Variants in INTS6L observed in about 807,000 individuals in gnomAD.
INTS6L encodes integrator complex subunit 6-like.
A neutral mutation model predicts 64.7 loss-of-function variants in INTS6L; 18 were observed. That is an observed-to-expected ratio of 0.28 (90% CI 0.19 to 0.41). The LOEUF (loss-of-function observed/expected upper bound fraction) is 0.41. Ranked by LOEUF, INTS6L falls within the 10% of genes least tolerant of loss-of-function variation. The pLI is 1.00. For missense variants in INTS6L, 533 were observed against 661.0 expected, an observed-to-expected ratio of 0.81 and a Z score of 2.12; for synonymous variants, 227 against 235.9, an observed-to-expected ratio of 0.96 and a Z score of 0.34.
At chrX:135,581,469 T>C (rs2087369447) in intron 17 of INTS6L, 59 bp from the exon 18 acceptor site, 1 of 889,838 alleles carries the variant, frequency 1.1e-6, no homozygotes, top group Non-Finnish European at 1.6e-6. Flanking sequence ...ACACAGTGCC[T>C]TGAACATCAT....
Position 135,540,225 on chromosome X carries a change from T to C in INTS6L, c.190-5198T>C, listed in dbSNP as rs192417805. 4.5e-4 allele frequency among the ~76,000 whole-genome samples: 50 copies of C among 112,122 alleles called. No homozygotes were observed. The East Asian group carries it at 0.012, about 27-fold the overall frequency. On this transcript the variant is annotated intron_variant, in intron 2 of 17. Coordinates refer to ENST00000639893, the MANE Select transcript of INTS6L (RefSeq NM_001351601.3). ...AGGCTATCTGGATTCAAATCTTGGC[T>C]GTGCCATTTCCTAGTTGTCTGGCCT...
chrX:135,564,479 C>G (rs1221832039), intron 9 of INTS6L, among the ~76,000 whole-genome samples: 1 of 110,801 alleles, frequency 9.0e-6, no homozygotes, highest in Non-Finnish European at 1.9e-5. Flanking sequence ...TTAATCACAG[C>G]ACTTTGGGAG....
At position 135,520,985 on chromosome X, in the gene INTS6L, G is replaced by T. The variant is rs1192544483; in HGVS notation, c.-8G>T. 9 of 1,205,540 alleles carry T rather than the reference G, an allele frequency of 7.5e-6. No homozygotes were observed. Among genetic ancestry groups the T allele is most frequent in the Non-Finnish European group, 1.0e-5 (9 of 892,114 alleles). On this transcript the variant is annotated 5_prime_UTR_variant, in exon 1 of 18. Transcript: ENST00000639893. The stretch of plus-strand genomic sequence containing the variant: ...GAGTGGGGAGCGGAGGCAGGAGTGC[G>T]GGGGAAGATGCCCATCCTGCTGTTC...
At chrX:135,535,955 C>T (rs1426076795) in intron 2 of INTS6L, among the ~76,000 whole-genome samples, 3 of 112,333 alleles carry the variant, frequency 2.7e-5, no homozygotes, top group Admixed American at 9.4e-5. Flanking sequence ...AGGAAAGCAA[C>T]ATGCATTGGC....
chrX:135,563,042 C>A (rs2086829573), intron 9 of INTS6L, among the ~76,000 whole-genome samples: 2 of 111,069 alleles, frequency 1.8e-5, no homozygotes, highest in South Asian at 7.5e-4. Context: ...TTCTATTTTT[C>A]TTTTCTCTGT....
At chrX:135,567,892 G>A (rs1556525561) in intron 9 of INTS6L, among the ~76,000 whole-genome samples, 1 of 112,173 alleles carries the variant, frequency 8.9e-6, no homozygotes, top group East Asian at 2.8e-4. Flanking sequence ...GCTGTAAAAG[G>A]AAGGAAATAT....
chrX:135,570,848 T>C, intron 11 of INTS6L: 1 of 214,916 alleles, frequency 4.7e-6, no homozygotes, highest in Non-Finnish European at 8.6e-6. Flanking sequence ...TTTGTCTATC[T>C]TCAACCTAGT....
intron 17 of INTS6L, 64 bp from the exon 18 acceptor site, chrX:135,581,464 G>A (rs2087369330): frequency 7.3e-6 from 6 of 823,936 alleles, no homozygotes; most frequent in Non-Finnish European, 8.9e-6. Context: ...ATCCCACACA[G>A]TGCCTTGAAC....
intron 9 of INTS6L, among the ~76,000 whole-genome samples, chrX:135,561,409 A>G (rs1556522214): frequency 1.8e-5 from 2 of 112,040 alleles, no homozygotes; most frequent in Non-Finnish European, 3.8e-5. Context: ...TTCTTTTCAT[A>G]TATATTACTG....
At chrX:135,581,244 C>T in intron 17 of INTS6L, 101 bp downstream of exon 17, 1 of 629,998 alleles carries the variant, frequency 1.6e-6, no homozygotes. Context: ...TTGCTTTTTT[C>T]TCAAACCCTG....
intron 8 of INTS6L, among the ~76,000 whole-genome samples, chrX:135,555,410 T>G (rs1181465643): frequency 4.5e-5 from 5 of 112,261 alleles, no homozygotes; most frequent in Non-Finnish European, 9.4e-5. Context: ...CATAATCCTT[T>G]AAGTAGGCTT....
intron 15 of INTS6L, among the ~76,000 whole-genome samples, chrX:135,578,727 T>C (rs2087296616): frequency 9.0e-6 from 1 of 111,224 alleles, no homozygotes. Flanking sequence ...TAAATCCCAC[T>C]ATTTCTCTCT....
chrX:135,577,262 C>T lies in INTS6L; in HGVS notation c.1954C>T (p.Pro652Ser), dbSNP rs1556531470. 8.3e-7 allele frequency: 1 copy of T among 1,209,572 alleles called. No homozygotes were observed. The highest frequency in any genetic ancestry group is 1.1e-6 in the Non-Finnish European group (1 of 895,193). Residue 652 changes from proline (P) to serine (S), a missense_variant, in exon 15 of 18, where the codon CCC becomes TCC. Pro to Ser is a moderately conservative substitution (Grantham distance 74). Coordinates refer to ENST00000639893, the MANE Select transcript of INTS6L (RefSeq NM_001351601.3). ...AAACAAAGTGAAACGTCCAGGGGAACCCAACAGTCCTATGTCATCTAAGAG... is the reference window on the plus strand; with the variant it reads ...AAACAAAGTGAAACGTCCAGGGGAATCCAACAGTCCTATGTCATCTAAGAG... ...PQNKVKRPGE[P>S]NSPMSSKRRR...
chrX:135,564,161 T>C (rs781889308), intron 9 of INTS6L, among the ~76,000 whole-genome samples: 1 of 111,824 alleles, frequency 8.9e-6, no homozygotes, highest in South Asian at 3.7e-4. Context: ...TATTTTCCAG[T>C]TCATTGATTA....
chrX:135,543,188 C>T lies in INTS6L; in HGVS notation c.190-2235C>T, dbSNP rs541407031. The stretch of plus-strand genomic sequence containing the variant: ...GCAGAGATCTTAGTAAAATAAAGAT[C>T]TGATCATACCACTCCCCGGATTTAA... On this transcript the variant is annotated intron_variant, in intron 2 of 17. Coordinates refer to ENST00000639893, the MANE Select transcript of INTS6L (RefSeq NM_001351601.3). 1.7e-4 allele frequency among the ~76,000 whole-genome samples: 19 copies of T among 111,179 alleles called. No individual in the cohort carries two copies. In the South Asian group the frequency reaches 6.9e-3, roughly 40 times the overall value.
At chrX:135,564,785 A>AT (rs1283902010) in intron 9 of INTS6L, among the ~76,000 whole-genome samples, 2 of 109,597 alleles carry the variant, frequency 1.8e-5, no homozygotes, top group Non-Finnish European at 3.8e-5. Context: ...ATGATGAGTG[A>AT]TTTTTTTCCT....
chrX:135,548,897 A>G (rs1265139503), intron 6 of INTS6L, among the ~76,000 whole-genome samples: 1 of 112,050 alleles, frequency 8.9e-6, no homozygotes, highest in Non-Finnish European at 1.9e-5. Flanking sequence ...CGGGGGGAGA[A>G]GGAGGAAGGA....
chrX:135,549,621 T>TG (rs1556516330), intron 6 of INTS6L, 21 bp from the exon 7 acceptor site: 1 of 1,192,212 alleles, frequency 8.4e-7, no homozygotes, highest in South Asian at 1.9e-5. Context: ...CGCCTTAGTT[T>TG]GTCTTTTGTT....
At position 135,572,863 on chromosome X, in the gene INTS6L, C is replaced by T; in HGVS notation, c.1447C>T (p.Pro483Ser). ...ACTAGCATCAGTGGGGAAGAAACCTCCCCAGGAAATTGGAATTAAAGTGAA... is the reference window on the plus strand; with the variant it reads ...ACTAGCATCAGTGGGGAAGAAACCTTCCCAGGAAATTGGAATTAAAGTGAA... ...RILASVGKKP[P>S]QEIGIKVKNH... Residue 483 changes from proline (P) to serine (S), a missense_variant, in exon 12 of 18, where the codon CCC becomes TCC. Pro to Ser is a moderately conservative substitution (Grantham distance 74). Coordinates refer to ENST00000639893, the MANE Select transcript of INTS6L (RefSeq NM_001351601.3). The T allele has an allele frequency of 8.3e-7, 1 of 1,211,400 alleles. No individual in the cohort carries two copies. The highest frequency in any genetic ancestry group is 1.1e-6 in the Non-Finnish European group (1 of 895,335).
Sources: gnomAD v4.1 joint callset for allele counts (sites outside exome capture counted in the v4.1 genomes callset) on GRCh38, gnomAD v4.1.1 for gene constraint, MANE v1.5 for transcripts, NCBI Gene and HGNC (gene_info 2026-07-23, HGNC 2026-07-21) for gene names.